Variants in LEPR observed in about 807,000 individuals in gnomAD.
LEPR encodes the protein OB receptor.
LEPR carries 56 observed loss-of-function variants against 114.7 expected under a neutral mutation model. The ratio of observed to expected loss-of-function variants is 0.49; its 90% CI spans 0.39 to 0.61. The LOEUF is 0.61. LEPR is among the 20% of genes least tolerant of loss of function. The probability of loss-of-function intolerance (pLI) is 0.00; values close to 1 mark genes in which losing one functional copy is unlikely to be tolerated. For missense variants in LEPR, 1,202 were observed against 1,352.9 expected (o/e 0.89, Z 1.75); for synonymous variants, 443 against 461.4 (o/e 0.96, Z 0.51).
intron 2 of LEPR, among the ~76,000 whole-genome samples, chr1:65,505,260 C>G (rs1351940803): frequency 6.6e-6 from 1 of 152,138 alleles, no homozygotes; most frequent in Non-Finnish European, 1.5e-5. Context: ...GAGCTCCTAA[C>G]TGACAAATGT....
chr1:65,591,169 G>C (rs1655670936), intron 5 of LEPR, among the ~76,000 whole-genome samples: 1 of 151,782 alleles, frequency 6.6e-6, no homozygotes, highest in Non-Finnish European at 1.5e-5. Flanking sequence ...TTCTGTTATT[G>C]ATTTCTGTTA....
chr1:65,483,152 A>C (rs1647302203), intron 2 of LEPR, among the ~76,000 whole-genome samples: 1 of 151,914 alleles, frequency 6.6e-6, no homozygotes, highest in African/African-American at 2.4e-5. Flanking sequence ...ATCAGGAGAC[A>C]CTGTAAGGAC....
intron 2 of LEPR, among the ~76,000 whole-genome samples, chr1:65,544,666 G>A (rs1345129945): frequency 1.3e-5 from 2 of 149,240 alleles, no homozygotes; most frequent in Non-Finnish European, 3.0e-5. Context: ...GAATATTATC[G>A]AAGGCCTTTT....
chr1:65,504,772 C>T (rs529472934), intron 2 of LEPR, among the ~76,000 whole-genome samples: 1 of 151,958 alleles, frequency 6.6e-6, no homozygotes, highest in South Asian at 2.1e-4. Context: ...AATTATGTAC[C>T]AATATTGGTT....
chr1:65,618,726 C>T (rs1385597080), intron 16 of LEPR, among the ~76,000 whole-genome samples: 1 of 152,080 alleles, frequency 6.6e-6, no homozygotes, highest in Non-Finnish European at 1.5e-5. Context: ...CATATCATAT[C>T]AATTTTCTCC....
At chr1:65,536,687 G>C (rs970307129) in intron 2 of LEPR, among the ~76,000 whole-genome samples, 6 of 151,920 alleles carry the variant, frequency 3.9e-5, no homozygotes, top group Admixed American at 1.3e-4. Context: ...CATATTCAAA[G>C]TCTGTTTTTT....
intron 14 of LEPR, among the ~76,000 whole-genome samples, chr1:65,610,530 A>G (rs1361513330): frequency 1.3e-5 from 2 of 152,204 alleles, no homozygotes; most frequent in South Asian, 2.1e-4. Context: ...CGTCAGTACT[A>G]TTTGGGCAAA....
At chr1:65,527,347 C>T (rs987548765) in intron 2 of LEPR, among the ~76,000 whole-genome samples, 1 of 152,172 alleles carries the variant, frequency 6.6e-6, no homozygotes, top group Admixed American at 6.5e-5. Flanking sequence ...CAGAGATTAA[C>T]TAAACAGATA....
At chr1:65,618,727 A>G (rs1657693284) in intron 16 of LEPR, among the ~76,000 whole-genome samples, 1 of 152,062 alleles carries the variant, frequency 6.6e-6, no homozygotes, top group South Asian at 2.1e-4. Flanking sequence ...ATATCATATC[A>G]ATTTTCTCCT....
intron 18 of LEPR, among the ~76,000 whole-genome samples, chr1:65,622,377 T>C (rs1168542715): frequency 6.6e-6 from 1 of 152,124 alleles, no homozygotes; most frequent in Non-Finnish European, 1.5e-5. Context: ...GTGGCTCCAG[T>C]CTGCTTGGCT....
intron 2 of LEPR, among the ~76,000 whole-genome samples, chr1:65,479,250 G>T (rs1312924579): frequency 1.3e-5 from 2 of 149,476 alleles, no homozygotes; most frequent in South Asian, 2.1e-4. Context: ...AAGTCCCATA[G>T]CTCTTAGTAC....
At chr1:65,618,215 T>A in intron 16 of LEPR, 69 bp downstream of exon 16, 1 of 1,426,110 alleles carries the variant, frequency 7.0e-7, no homozygotes, top group African/African-American at 1.4e-5. Context: ...TTAATTCTAT[T>A]AATATAGCCA....
At chr1:65,462,642 C>T (rs1325844234) in intron 2 of LEPR, among the ~76,000 whole-genome samples, 1 of 152,206 alleles carries the variant, frequency 6.6e-6, no homozygotes, top group Non-Finnish European at 1.5e-5. Flanking sequence ...CCTATTTCTC[C>T]ACATCCTTCC....
At position 65,630,222 on chromosome 1, in the gene LEPR, C is replaced by T. The variant is rs1013626849; in HGVS notation, c.2674-5969C>T. 3.2e-5 allele frequency: 11 copies of T among 341,210 alleles called. 1 individual carries two copies. Among genetic ancestry groups the T allele is most frequent in the South Asian group, 1.8e-4 (8 of 43,368 alleles). 21.1% of individuals were successfully genotyped at this position (341,210 alleles called of 1,614,324 possible). On this transcript the variant is annotated intron_variant, in intron 19 of 19. Coordinates refer to ENST00000349533, the MANE Select transcript of LEPR (RefSeq NM_002303.6). Reference sequence around the variant, plus strand: ...AACAGATGCTTGAAGGCAGCATGTTCGTTAAGAGTCATCACCACTCCCTAA... The same window carrying T: ...AACAGATGCTTGAAGGCAGCATGTTTGTTAAGAGTCATCACCACTCCCTAA...
Position 65,425,390 on chromosome 1 carries a change from T to C in LEPR, c.-21+12T>C, listed in dbSNP as rs1260486563. Reference sequence around the variant, plus strand: ...TTAGAGGATTATGGGTAAGTTATCATTTCAAAAAGAACTATTCCTCTTTCT... The same window carrying C: ...TTAGAGGATTATGGGTAAGTTATCACTTCAAAAAGAACTATTCCTCTTTCT... On this transcript the variant is annotated intron_variant, in intron 2 of 19. Transcript: ENST00000349533. 9.4e-6 allele frequency: 15 copies of C among 1,587,788 alleles called. No homozygotes were observed. Among genetic ancestry groups the C allele is most frequent in the Non-Finnish European group, 1.3e-5 (15 of 1,170,856 alleles).
intron 2 of LEPR, among the ~76,000 whole-genome samples, chr1:65,499,491 GC>G (rs990569838): frequency 6.6e-6 from 1 of 152,060 alleles, no homozygotes; most frequent in African/African-American, 2.4e-5. Context: ...ATAAATATCA[GC>G]CCCACCATTA....
intron 2 of LEPR, among the ~76,000 whole-genome samples, chr1:65,531,829 A>G (rs567876947): frequency 6.6e-5 from 10 of 151,924 alleles, no homozygotes; most frequent in Admixed American, 5.2e-4. Context: ...CTTTTTTGCC[A>G]CTATAAATAA....
At chr1:65,530,659 ATCT>A (rs1650324663) in intron 2 of LEPR, among the ~76,000 whole-genome samples, 1 of 152,170 alleles carries the variant, frequency 6.6e-6, no homozygotes, top group South Asian at 2.1e-4. Context: ...TCTCGTCATC[ATCT>A]TGATTTTGGT....
chr1:65,630,696 T>TTG (rs71058415), intron 19 of LEPR, among the ~76,000 whole-genome samples: 34,070 of 149,540 alleles, frequency 0.23, 4,089 homozygotes, highest in South Asian at 0.34. Context: ...TTTCTTTGTT[T>TTG]TGTGTGTGTG....
Sources: allele counts gnomAD v4.1 joint callset (sites outside exome capture counted in the v4.1 genomes callset), GRCh38; gene constraint gnomAD v4.1.1; transcripts MANE v1.5; gene names NCBI Gene and HGNC (gene_info 2026-07-23, HGNC 2026-07-21).